Variants in ACTL6A observed in about 807,000 individuals in gnomAD.
ACTL6A encodes the protein actin like 6A, also known as actin-like protein 6A.
In ACTL6A, 5 loss-of-function variants were observed where a neutral mutation model predicts 59.2. The observed-to-expected ratio is 0.08, with a 90% confidence interval of 0.04 to 0.18. The LOEUF is 0.18. Ranked by LOEUF, ACTL6A falls within the 10% of genes least tolerant of loss-of-function variation. The pLI is 1.00. For synonymous variants in ACTL6A, 154 were observed against 171.8 expected, an observed-to-expected ratio of 0.90 and a Z score of 0.81; for missense variants, 285 against 526.9, an observed-to-expected ratio of 0.54 and a Z score of 4.49.
chr3:179,580,713 T>C lies in ACTL6A; in HGVS notation c.830+12T>C. The C allele has an allele frequency of 6.4e-7, 1 of 1,558,522 alleles. No individual in the cohort carries two copies. Among genetic ancestry groups the C allele is most frequent in the South Asian group, 1.2e-5 (1 of 86,314 alleles). ...ACTTATGATGAACAGTATGTTTTCT[T>C]ATTAAAATGTATACTTTATAAATGA... On this transcript the variant is annotated intron_variant, in intron 9 of 13. Transcript: ENST00000429709.
intron 5 of ACTL6A, chr3:179,575,001 A>G (rs140514607): frequency 2.4e-4 from 45 of 187,790 alleles, no homozygotes; most frequent in Admixed American, 8.7e-4. Flanking sequence ...TAATCTTTCT[A>G]TTTTTATTTA....
At chr3:179,583,858 A>C (rs923846985) in intron 12 of ACTL6A, 1 of 154,002 alleles carries the variant, frequency 6.5e-6, no homozygotes, top group African/African-American at 2.4e-5. Context: ...AAGAAGCTAT[A>C]GTTTGAATGA....
intron 1 of ACTL6A, among the ~76,000 whole-genome samples, chr3:179,568,193 AG>A (rs1717896571): frequency 6.6e-6 from 1 of 151,308 alleles, no homozygotes; most frequent in Non-Finnish European, 1.5e-5. Context: ...AAAAAAAAAA[AG>A]AGATCATTCT....
At chr3:179,564,161 G>A (rs1717761387) in intron 1 of ACTL6A, among the ~76,000 whole-genome samples, 1 of 152,144 alleles carries the variant, frequency 6.6e-6, no homozygotes, top group Non-Finnish European at 1.5e-5. Context: ...AGATCTGCAG[G>A]TTAATCGAAA....
intron 13 of ACTL6A, 35 bp from the exon 14 acceptor site, chr3:179,587,895 A>C: frequency 6.4e-7 from 1 of 1,551,928 alleles, no homozygotes; most frequent in African/African-American, 1.4e-5. Context: ...GTAAGAAGTA[A>C]GGCATAATTA....
chr3:179,572,200 C>T (rs1393296430), intron 3 of ACTL6A, among the ~76,000 whole-genome samples: 1 of 151,580 alleles, frequency 6.6e-6, no homozygotes, highest in Non-Finnish European at 1.5e-5. Flanking sequence ...ATAAAAGGTA[C>T]CCTTGAAGGA....
intron 4 of ACTL6A, among the ~76,000 whole-genome samples, chr3:179,573,997 A>G (rs1278675734): frequency 1.3e-5 from 2 of 152,176 alleles, no homozygotes; most frequent in Non-Finnish European, 2.9e-5. Flanking sequence ...ATGAATACCA[A>G]CTATAAGTGG....
At chr3:179,583,498 A>C (rs751436691) in intron 12 of ACTL6A, 50 bp downstream of exon 12, 1 of 1,436,698 alleles carries the variant, frequency 7.0e-7, no homozygotes. Context: ...ATATTTCCTC[A>C]CTGATGGTGT....
In ACTL6A at chr3:179,588,127, A is replaced by G. The variant is rs1158342559; in HGVS notation, c.*117A>G. On this transcript the variant is annotated 3_prime_UTR_variant, in exon 14 of 14. Coordinates refer to ENST00000429709, the MANE Select transcript of ACTL6A (RefSeq NM_004301.5). ...TGTTTATACATTTTTGCATATTTCA[A>G]TTTCCACTTAAATTTTTTAAAGCTT... The G allele has an allele frequency of 9.6e-6, 7 of 728,410 alleles. No homozygotes were observed. Among genetic ancestry groups the G allele is most frequent in the Admixed American group, 4.1e-5 (1 of 24,506 alleles). 45.1% of individuals were successfully genotyped at this position (728,410 alleles called of 1,614,324 possible). A position where few individuals can be genotyped will look rare whatever the true frequency, so the allele number is the denominator to read the frequency against.
intron 4 of ACTL6A, among the ~76,000 whole-genome samples, chr3:179,573,672 T>C (rs1356960350): frequency 6.6e-6 from 1 of 152,160 alleles, no homozygotes; most frequent in Non-Finnish European, 1.5e-5. Context: ...AAATAAAATA[T>C]CCAGAGAACA....
In ACTL6A at chr3:179,570,165, C is replaced by T; in HGVS notation, c.201C>T (p.Thr67=). 1 of 1,614,070 alleles carries T rather than the reference C, an allele frequency of 6.2e-7. No homozygotes were observed. The part of the protein sequence containing the change: ...DGDKGKQGGP[T]YYIDTNALRV... ...ATAAAGGCAAACAAGGCGGTCCCAC[C>T]TACTACATAGATACTAATGCTCTGC... The change falls in exon 3 of 14, where the codon ACC becomes ACT. Residue 67 remains threonine, a synonymous_variant. Coordinates refer to ENST00000429709, the MANE Select transcript of ACTL6A (RefSeq NM_004301.5). This position sits in a 1 kb window ranked among gnomAD's most constrained non-coding sequence, Gnocchi z 4.3.
chr3:179,562,991 T>C lies in ACTL6A; in HGVS notation c.-102T>C. 6.7e-7 allele frequency: 1 copy of C among 1,491,862 alleles called. No homozygotes were observed. Among genetic ancestry groups the C allele is most frequent in the Non-Finnish European group, 9.1e-7 (1 of 1,097,712 alleles). 92.4% of individuals were successfully genotyped at this position (1,491,862 alleles called of 1,614,324 possible). On this transcript the variant is annotated 5_prime_UTR_variant, in exon 1 of 14. Coordinates refer to ENST00000429709, the MANE Select transcript of ACTL6A (RefSeq NM_004301.5). Reference sequence around the variant, plus strand: ...TGCCTGAGGTGGGTGGCGGTGGAAGTTAAGGGAGTCAGGGGCTATCGCTCC... The same window carrying C: ...TGCCTGAGGTGGGTGGCGGTGGAAGCTAAGGGAGTCAGGGGCTATCGCTCC...
chr3:179,578,688 A>G lies in ACTL6A; in HGVS notation c.768+1775A>G, dbSNP rs193174711. ...AGGAATTGCCACATGGCTTTCAACA[A>G]TGGTTGAACTAATTTACATTCTCAC... On this transcript the variant is annotated intron_variant, in intron 8 of 13. Transcript: ENST00000429709. 1.4e-4 allele frequency among the ~76,000 whole-genome samples: 21 copies of G among 152,328 alleles called. 1 individual carries two copies. In the East Asian group the frequency reaches 4.0e-3, roughly 29 times the overall value.
At chr3:179,574,157 G>A (rs1718097436) in intron 4 of ACTL6A, among the ~76,000 whole-genome samples, 1 of 151,952 alleles carries the variant, frequency 6.6e-6, no homozygotes, top group African/African-American at 2.4e-5. Context: ...ATTCTTCTCT[G>A]ATAGATTTAT....
intron 12 of ACTL6A, among the ~76,000 whole-genome samples, chr3:179,585,943 T>C (rs1413432683): frequency 1.3e-5 from 2 of 152,082 alleles, no homozygotes; most frequent in Non-Finnish European, 2.9e-5. Context: ...TGGGGTGAAC[T>C]AAGGAGGGAT....
intron 1 of ACTL6A, among the ~76,000 whole-genome samples, chr3:179,563,331 T>G (rs1414704396): frequency 6.6e-6 from 1 of 151,166 alleles, no homozygotes; most frequent in African/African-American, 2.4e-5. Flanking sequence ...CGGCTCTCTG[T>G]GGCCTCTTCC....
chr3:179,572,881 A>G (rs530128466), intron 3 of ACTL6A, among the ~76,000 whole-genome samples: 1 of 152,302 alleles, frequency 6.6e-6, no homozygotes, highest in Admixed American at 6.5e-5. Context: ...AGCCAAATTG[A>G]AGACAGATGC....
At chr3:179,573,205 A>G in intron 3 of ACTL6A, 164 bp from the exon 4 acceptor site, 1 of 484,076 alleles carries the variant, frequency 2.1e-6, no homozygotes, top group South Asian at 4.8e-5. Context: ...TAGAAGGCAA[A>G]GGTAATCTCT....
At chr3:179,575,881 A>T (rs1718152452) in intron 5 of ACTL6A, among the ~76,000 whole-genome samples, 1 of 152,192 alleles carries the variant, frequency 6.6e-6, no homozygotes, top group African/African-American at 2.4e-5. Context: ...TTGTTAAATA[A>T]ATGCATCTCA....
Sources: allele counts gnomAD v4.1 joint callset (sites outside exome capture counted in the v4.1 genomes callset), GRCh38; gene constraint gnomAD v4.1.1; non-coding constraint Gnocchi (gnomAD v3.1); transcripts MANE v1.5; gene names NCBI Gene and HGNC (gene_info 2026-07-23, HGNC 2026-07-21).